Variants in EPHX2 observed in about 807,000 individuals in gnomAD.
The protein encoded by EPHX2 is bifunctional epoxide hydrolase 2.
EPHX2 carries 74 observed loss-of-function variants against 78.7 expected under a neutral mutation model. That is an observed-to-expected ratio of 0.94 (90% confidence interval 0.78 to 1.14). The LOEUF (loss-of-function observed/expected upper bound fraction) is 1.14. Ranked by LOEUF, EPHX2 falls within the 50% of genes most tolerant of loss-of-function variation. The pLI is 0.00. For synonymous variants in EPHX2, 251 were observed against 255.2 expected (o/e 0.98, Z 0.16); for missense variants, 715 against 702.5 (o/e 1.02, Z -0.20).
rs527260085 is a variant in EPHX2 at position 27,544,088 on chromosome 8, G to A, written c.1531-98G>A. On this transcript the variant is annotated intron_variant, in intron 17 of 18. Transcript: ENST00000521400. The stretch of plus-strand genomic sequence containing the variant: ...GCAGGGTTTGGGCAGGGTGGCCTGC[G>A]GGGAGCAGAGAGAAGGCGTCCATTG... The A allele has an allele frequency of 3.3e-5, 47 of 1,410,588 alleles. No homozygotes were observed. The South Asian group carries it at 4.4e-4, about 13-fold the overall frequency. The allele number at this position is 1,410,588 out of a possible 1,614,324, so 87.4% of individuals were successfully genotyped here.
intron 2 of EPHX2, among the ~76,000 whole-genome samples, chr8:27,503,127 CT>C (rs1248440311): frequency 6.6e-6 from 1 of 152,226 alleles, no homozygotes; most frequent in African/African-American, 2.4e-5. Flanking sequence ...CGAGCCCCTT[CT>C]ACCATGTGAA....
chr8:27,524,276 T>C (rs769728198), intron 11 of EPHX2, among the ~76,000 whole-genome samples: 1 of 152,116 alleles, frequency 6.6e-6, no homozygotes, highest in Non-Finnish European at 1.5e-5. Flanking sequence ...CCTCTTCAGG[T>C]GATAAGTCAG....
chr8:27,523,822 G>A (rs917475701), intron 11 of EPHX2, among the ~76,000 whole-genome samples: 4 of 151,942 alleles, frequency 2.6e-5, no homozygotes, highest in African/African-American at 9.7e-5. Context: ...TTAAGAACTG[G>A]GTTCACCAAA....
chr8:27,503,613 C>T lies in EPHX2; in HGVS notation c.196C>T (p.Leu66Phe). The T allele has an allele frequency of 1.2e-6, 2 of 1,610,768 alleles. No individual in the cohort carries two copies. The highest frequency in any genetic ancestry group is 8.5e-7 in the Non-Finnish European group (1 of 1,178,462). ...GEITLSQWIP[L>F]MEENCRKCSE... ...CACTTCACTTTGACAGTGGATACCA[C>T]TCATGGAAGAAAACTGCAGGAAGTG... Residue 66 changes from leucine (L) to phenylalanine (F), a missense_variant, in exon 3 of 19, where the codon CTC (leucine) becomes TTC (phenylalanine). Transcript: ENST00000521400.
At chr8:27,544,419 T>G in intron 18 of EPHX2, 25 bp from the exon 19 acceptor site, 2 of 1,613,886 alleles carry the variant, frequency 1.2e-6, no homozygotes, top group Non-Finnish European at 1.7e-6. Context: ...GCTATTTTTT[T>G]CTTTTACTTC....
chr8:27,545,665 A>G (rs1815561963), downstream of EPHX2: 1 of 152,294 alleles, frequency 6.6e-6, no homozygotes, highest in South Asian at 2.1e-4. Flanking sequence ...CTCCAAGCCC[A>G]TAGGCTGGGT....
At chr8:27,543,682 T>C in intron 16 of EPHX2, 67 bp from the exon 17 acceptor site, 1 of 1,545,588 alleles carries the variant, frequency 6.5e-7, no homozygotes, top group Non-Finnish European at 8.9e-7. Flanking sequence ...GCAGGGGTCT[T>C]TCAGAGGAGG....
At chr8:27,521,752 C>T (rs934868902) in intron 10 of EPHX2, among the ~76,000 whole-genome samples, 1 of 152,198 alleles carries the variant, frequency 6.6e-6, no homozygotes, top group South Asian at 2.1e-4. Flanking sequence ...TGTCTAGAAG[C>T]GTGTCCCTTA....
chr8:27,546,686 T>C (rs1036226979), downstream of EPHX2, among the ~76,000 whole-genome samples: 4 of 152,212 alleles, frequency 2.6e-5, no homozygotes, highest in Non-Finnish European at 4.4e-5. Flanking sequence ...TCCAGTCATC[T>C]CCATCAGCCA....
At chr8:27,509,345 C>T (rs779127645) in intron 5 of EPHX2, among the ~76,000 whole-genome samples, 1 of 152,158 alleles carries the variant, frequency 6.6e-6, no homozygotes, top group Admixed American at 6.5e-5. Context: ...TGTGAGTGTG[C>T]ATGTATCTCT....
intron 12 of EPHX2, among the ~76,000 whole-genome samples, chr8:27,527,315 C>T (rs60257378): frequency 0.013 from 1,906 of 152,242 alleles, 38 homozygotes; most frequent in African/African-American, 0.042. Flanking sequence ...CCACATGCCT[C>T]GGCCTCCCAA....
intron 14 of EPHX2, among the ~76,000 whole-genome samples, chr8:27,539,591 C>T (rs557039036): frequency 6.6e-6 from 1 of 152,176 alleles, no homozygotes; most frequent in Non-Finnish European, 1.5e-5. Context: ...CATTCATTCA[C>T]CCATTCATTC....
intron 5 of EPHX2, 34 bp downstream of exon 5, chr8:27,507,028 G>A (rs761430402): frequency 3.7e-6 from 6 of 1,609,760 alleles, no homozygotes; most frequent in Non-Finnish European, 4.2e-6. Context: ...AAGCTTCCTG[G>A]ACTCATCTGT....
chr8:27,520,320 C>T (rs1352908503), intron 9 of EPHX2, among the ~76,000 whole-genome samples: 1 of 151,162 alleles, frequency 6.6e-6, no homozygotes, highest in Admixed American at 6.6e-5. Flanking sequence ...CGCCGGCCAC[C>T]GTGCCCAGCT....
intron 12 of EPHX2, among the ~76,000 whole-genome samples, chr8:27,534,945 GA>G (rs1815164077): frequency 6.6e-6 from 1 of 152,200 alleles, no homozygotes; most frequent in African/African-American, 2.4e-5. Flanking sequence ...CAAACTAATA[GA>G]AGTCCATGCT....
intron 7 of EPHX2, 115 bp from the exon 8 acceptor site, chr8:27,516,205 C>T (rs1162919030): frequency 1.1e-5 from 11 of 1,047,458 alleles, no homozygotes; most frequent in African/African-American, 4.7e-5. Context: ...CGGGTAGTGC[C>T]CTGTGGCTCT....
chr8:27,523,958 A>ATT (rs1344901994), intron 11 of EPHX2, among the ~76,000 whole-genome samples: 81 of 146,982 alleles, frequency 5.5e-4, no homozygotes, highest in African/African-American at 2.0e-3. Flanking sequence ...TTTGAGACAG[A>ATT]GTCTCACTCC....
intron 9 of EPHX2, among the ~76,000 whole-genome samples, chr8:27,520,355 GT>G (rs1455839402): frequency 9.0e-5 from 13 of 145,100 alleles, no homozygotes; most frequent in East Asian, 2.0e-4. Context: ...TTTGTTTTGG[GT>G]TTTTTTTTTG....
At chr8:27,495,442 C>T (rs944098584) in intron 1 of EPHX2, among the ~76,000 whole-genome samples, 1 of 152,202 alleles carries the variant, frequency 6.6e-6, no homozygotes, top group Non-Finnish European at 1.5e-5. Context: ...AAGGGGACTT[C>T]TAAGAGATCA....
Sources: allele counts gnomAD v4.1 joint callset (sites outside exome capture counted in the v4.1 genomes callset), GRCh38; gene constraint gnomAD v4.1.1; transcripts MANE v1.5; gene names NCBI Gene and HGNC (gene_info 2026-07-23, HGNC 2026-07-21).